The following ULK4 variants were observed in gnomAD, a reference collection of about 807,000 sequenced individuals.
ULK4 encodes the protein inactive serine/threonine-protein kinase ULK4.
ULK4 carries 133 observed loss-of-function variants against 160.6 expected under a neutral mutation model. That is an observed-to-expected ratio of 0.83 (90% CI 0.72 to 0.96). The LOEUF is 0.96. ULK4 is among the 40% of genes least tolerant of loss of function. The pLI is 0.00. For synonymous variants in ULK4, 534 were observed against 539.8 expected (o/e 0.99, Z 0.15); for missense variants, 1,580 against 1,499.5 (o/e 1.05, Z -0.89).
At chr3:41,654,467 C>T (rs954543277) in intron 30 of ULK4, among the ~76,000 whole-genome samples, 1 of 152,174 alleles carries the variant, frequency 6.6e-6, no homozygotes, top group Non-Finnish European at 1.5e-5. Flanking sequence ...ATACAAAATA[C>T]TTTAGCAAAG....
intron 35 of ULK4, among the ~76,000 whole-genome samples, chr3:41,383,380 TG>T (rs1212899164): frequency 1.3e-5 from 2 of 152,184 alleles, no homozygotes; most frequent in African/African-American, 4.8e-5. Context: ...ATTACAGGCA[TG>T]AGCCACCACG....
intron 29 of ULK4, among the ~76,000 whole-genome samples, chr3:41,669,218 G>A (rs990205562): frequency 1.3e-5 from 2 of 152,192 alleles, no homozygotes; most frequent in Non-Finnish European, 1.5e-5. Flanking sequence ...TTGGCAGAAT[G>A]TATTAAATAC....
At chr3:41,925,819 A>G (rs1162568048) in intron 5 of ULK4, among the ~76,000 whole-genome samples, 1 of 151,902 alleles carries the variant, frequency 6.6e-6, no homozygotes, top group African/African-American at 2.4e-5. Context: ...CCACTGCAGC[A>G]TCTCTGAAAA....
chr3:41,277,741 AG>A, intron 35 of ULK4: 1 of 152,340 alleles, frequency 6.6e-6, no homozygotes, highest in East Asian at 1.9e-4. Context: ...CTGGAAATAA[AG>A]GGCATCCAAA....
At chr3:41,895,087 G>A (rs1448322679) in intron 16 of ULK4, among the ~76,000 whole-genome samples, 1 of 152,150 alleles carries the variant, frequency 6.6e-6, no homozygotes, top group Non-Finnish European at 1.5e-5. Flanking sequence ...AGGGATCAGG[G>A]TTTAAGTATT....
rs144952045 is a variant in ULK4 at position 41,925,210 on chromosome 3, T to C, written c.542-5392A>G. Among the ~76,000 whole-genome samples, 1,033 of 152,240 alleles carry C rather than the reference T, an allele frequency of 6.8e-3. 10 individuals carry two copies. The highest frequency in any genetic ancestry group is 0.024 in the African/African-American group (992 of 41,526). ...ATTACCAACTGAGGTACCAGGTTCA[T>C]CTCACTGGGACTGGTTGGACAGCGG... On this transcript the variant is annotated intron_variant, in intron 5 of 36. Transcript: ENST00000301831.
At chr3:41,735,678 TAAGTCC>T (rs1411351316) in intron 22 of ULK4, among the ~76,000 whole-genome samples, 1 of 120,446 alleles carries the variant, frequency 8.3e-6, no homozygotes, top group Non-Finnish European at 1.8e-5. Context: ...CACTCCACTC[TAAGTCC>T]ATTTTATTAT....
At chr3:41,475,741 G>C (rs1386666660) in intron 32 of ULK4, among the ~76,000 whole-genome samples, 1 of 152,112 alleles carries the variant, frequency 6.6e-6, no homozygotes, top group Non-Finnish European at 1.5e-5. Context: ...AATTTACTAG[G>C]TACTGTGGAC....
At chr3:41,361,185 T>C (rs1333214898) in intron 35 of ULK4, among the ~76,000 whole-genome samples, 1 of 152,046 alleles carries the variant, frequency 6.6e-6, no homozygotes, top group East Asian at 1.9e-4. Flanking sequence ...GTGCAGGCAG[T>C]TGGCAGATAT....
chr3:41,282,157 C>T (rs4605514), intron 35 of ULK4, among the ~76,000 whole-genome samples: 37,847 of 152,008 alleles, frequency 0.25, 6,974 homozygotes, highest in African/African-American at 0.52. Context: ...AAAGAGAACA[C>T]AAACAAATGG....
At chr3:41,848,123 G>C (rs1359519180) in intron 17 of ULK4, among the ~76,000 whole-genome samples, 1 of 152,136 alleles carries the variant, frequency 6.6e-6, no homozygotes, top group Non-Finnish European at 1.5e-5. Flanking sequence ...AACTCCTAAA[G>C]CTAAATCAAG....
intron 11 of ULK4, among the ~76,000 whole-genome samples, 157 bp from the exon 12 acceptor site, chr3:41,908,098 A>AT (rs1698644017): frequency 6.6e-6 from 1 of 152,186 alleles, no homozygotes; most frequent in Non-Finnish European, 1.5e-5. Flanking sequence ...TGTTTATATA[A>AT]TTTTTATAAC....
At chr3:41,389,248 C>T (rs914915897) in intron 35 of ULK4, among the ~76,000 whole-genome samples, 6 of 152,130 alleles carry the variant, frequency 3.9e-5, no homozygotes, top group Non-Finnish European at 2.9e-5. Flanking sequence ...CTGAAGTTGC[C>T]TATCAGCTTG....
chr3:41,376,212 T>C (rs1347443444), intron 35 of ULK4, among the ~76,000 whole-genome samples: 6 of 150,338 alleles, frequency 4.0e-5, no homozygotes, highest in Non-Finnish European at 8.8e-5. Context: ...GAAGACAGTG[T>C]GGTAATTCCT....
At chr3:41,314,331 G>A (rs932423862) in intron 35 of ULK4, among the ~76,000 whole-genome samples, 1 of 152,114 alleles carries the variant, frequency 6.6e-6, no homozygotes, top group Non-Finnish European at 1.5e-5. Context: ...TACCCAACTG[G>A]TAATTTTTCA....
intron 35 of ULK4, chr3:41,258,533 T>C (rs2078881345): frequency 6.6e-6 from 1 of 152,194 alleles, no homozygotes; most frequent in Non-Finnish European, 1.5e-5. Context: ...TTACTGGCAG[T>C]CAGTTAGCCA....
intron 32 of ULK4, among the ~76,000 whole-genome samples, chr3:41,508,706 G>C (rs990410192): frequency 3.3e-5 from 5 of 152,108 alleles, no homozygotes; most frequent in Admixed American, 3.3e-4. Flanking sequence ...TGGGTGGCTA[G>C]ACCCAGAATA....
rs146184122 is a variant in ULK4, at chr3:41,933,878, C to T, written c.379-1872G>A. On this transcript the variant is annotated intron_variant, in intron 4 of 36. Coordinates refer to ENST00000301831, the MANE Select transcript of ULK4 (RefSeq NM_017886.4). ...CAGCCTGGCCAACACGGTAAAACCC[C>T]GTCTCTACTAAAAATACAAAAATTT... Among the ~76,000 whole-genome samples the T allele has an allele frequency of 7.3e-4, 111 of 152,008 alleles. 1 individual carries two copies. The East Asian group carries it at 0.017, about 23-fold the overall frequency.
At chr3:41,782,718 C>G (rs535972662) in intron 21 of ULK4, among the ~76,000 whole-genome samples, 15 of 152,104 alleles carry the variant, frequency 9.9e-5, no homozygotes, top group African/African-American at 3.1e-4. Context: ...CAAAAAAGAA[C>G]TTTTTAAGAA....
Sources: allele counts gnomAD v4.1 joint callset (sites outside exome capture counted in the v4.1 genomes callset), GRCh38; gene constraint gnomAD v4.1.1; transcripts MANE v1.5; gene names NCBI Gene and HGNC (gene_info 2026-07-23, HGNC 2026-07-21).